OBI1: variants seen among roughly 807,000 people sequenced by gnomAD.
OBI1 encodes ORC ubiquitin ligase 1.
In OBI1, 59 loss-of-function variants were observed where a neutral mutation model predicts 62.4. That is an observed-to-expected ratio of 0.95 (90% CI 0.77 to 1.17). OBI1 has a LOEUF of 1.17. OBI1 is among the 50% of genes most tolerant of loss of function. OBI1 has a pLI of 0.00. For synonymous variants in OBI1, 302 were observed against 292.8 expected (o/e 1.03, Z -0.32); for missense variants, 875 against 830.9 (o/e 1.05, Z -0.65).
chr13:78,617,788 C>T (rs1398962356), intron 5 of OBI1, among the ~76,000 whole-genome samples: 4 of 151,808 alleles, frequency 2.6e-5, no homozygotes. Context: ...TCATTTCTTT[C>T]AACTTTGAAA....
At chr13:78,620,550 C>T (rs750601729) in intron 5 of OBI1, 2 of 452,686 alleles carry the variant, frequency 4.4e-6, no homozygotes, top group African/African-American at 2.0e-5. Context: ...TGTATTCTGC[C>T]AGAATCTAAC....
chr13:78,638,773 G>A, intron 4 of OBI1, 50 bp downstream of exon 4: 3 of 1,502,522 alleles, frequency 2.0e-6, no homozygotes, highest in Non-Finnish European at 2.7e-6. Context: ...GCTTTTGAAG[G>A]TACTTATTTT....
intron 4 of OBI1, among the ~76,000 whole-genome samples, chr13:78,638,465 T>C (rs1375225521): frequency 6.6e-6 from 1 of 152,180 alleles, no homozygotes; most frequent in East Asian, 1.9e-4. Context: ...TGTTTGTTTT[T>C]AGGTACACAG....
intron 1 of OBI1, among the ~76,000 whole-genome samples, chr13:78,650,734 G>C (rs1299435640): frequency 6.9e-6 from 1 of 144,390 alleles, no homozygotes; most frequent in Non-Finnish European, 1.5e-5. Flanking sequence ...CTTCTACATA[G>C]CAATCCCTCA....
At chr13:78,628,662 T>G (rs563421428) in intron 5 of OBI1, among the ~76,000 whole-genome samples, 48 of 152,322 alleles carry the variant, frequency 3.2e-4, no homozygotes, top group African/African-American at 1.1e-3. Context: ...CTGAATAGTT[T>G]TAAGCAGGAG....
Position 78,614,535 on chromosome 13 carries a change from C to G in OBI1, c.*1045G>C, listed in dbSNP as rs753652132. 1 of 152,604 alleles carries G rather than the reference C, an allele frequency of 6.6e-6. No homozygotes were observed. The highest frequency in any genetic ancestry group is 2.4e-5 in the African/African-American group (1 of 41,440). 9.5% of individuals were successfully genotyped at this position (152,604 alleles called of 1,614,324 possible). Reference sequence around the variant, plus strand: ...ACACTCTTCACAGAAAAGTTTTGTCCTACATAAAAGATATTCTATCAGCCA... The same window carrying G: ...ACACTCTTCACAGAAAAGTTTTGTCGTACATAAAAGATATTCTATCAGCCA... On this transcript the variant is annotated 3_prime_UTR_variant, in exon 6 of 6. Transcript: ENST00000282003.
intron 3 of OBI1, among the ~76,000 whole-genome samples, chr13:78,641,455 C>T (rs982386685): frequency 2.6e-5 from 4 of 152,082 alleles, no homozygotes; most frequent in Non-Finnish European, 5.9e-5. Context: ...AAGAGGGGAT[C>T]GATATCTCCT....
chr13:78,622,657 A>C (rs1360784055), intron 5 of OBI1, among the ~76,000 whole-genome samples: 3 of 152,210 alleles, frequency 2.0e-5, no homozygotes, highest in African/African-American at 7.2e-5. Context: ...TTTCTTAATT[A>C]TATCTCCCAA....
At chr13:78,630,359 T>C (rs1566279075) in intron 5 of OBI1, among the ~76,000 whole-genome samples, 1 of 152,146 alleles carries the variant, frequency 6.6e-6, no homozygotes, top group Admixed American at 6.5e-5. Flanking sequence ...TCAACAATTA[T>C]CAAGATTTTT....
rs926373283 is a variant in OBI1, at chr13:78,615,078, G to A, written c.*502C>T. The A allele has an allele frequency of 2.0e-5, 3 of 152,124 alleles. No homozygotes were observed. Among genetic ancestry groups the A allele is most frequent in the East Asian group, 1.9e-4 (1 of 5,178 alleles). The allele number at this position is 152,124 out of a possible 1,614,324, so 9.4% of individuals were successfully genotyped here. On this transcript the variant is annotated 3_prime_UTR_variant, in exon 6 of 6. Coordinates refer to ENST00000282003, the MANE Select transcript of OBI1 (RefSeq NM_024546.4). ...GGCCATCACTAAACATAAATAAAAAGGGACAGGTAAAATAATTTCCACCCT... is the reference window on the plus strand; with the variant it reads ...GGCCATCACTAAACATAAATAAAAAAGGACAGGTAAAATAATTTCCACCCT...
At position 78,616,209 on chromosome 13, in the gene OBI1, C is replaced by T. The variant is rs1190793399; in HGVS notation, c.1552G>A (p.Glu518Lys). 5 of 1,614,082 alleles carry T rather than the reference C, an allele frequency of 3.1e-6. No homozygotes were observed. In the South Asian group the frequency reaches 5.5e-5, roughly 18 times the overall value. Residue 518 changes from glutamate to lysine, a missense_variant, in exon 6 of 6, where the codon GAA becomes AAA. Coordinates refer to ENST00000282003, the MANE Select transcript of OBI1 (RefSeq NM_024546.4). ...SKRLNSIRSF[E>K]MNRTRTSSEA... ...CTGGATGTTCTTGTCCGGTTCATTT[C>T]AAAAGAGCGAATAGAATTCAACCTT...
intron 4 of OBI1, among the ~76,000 whole-genome samples, chr13:78,636,973 A>G (rs184611490): frequency 1.1e-4 from 17 of 152,338 alleles, no homozygotes; most frequent in African/African-American, 3.8e-4. Context: ...CTCAACTATC[A>G]GAGATCTTTT....
rs763687402 is a variant in OBI1, at chr13:78,616,975, T to C, written c.786A>G (p.Glu262=). The part of the protein sequence containing the change: ...SQVAQLKNSS[E]EKEAMNSICQ... ...AAATGGAATTCATAGCTTCTTTCTC[T>C]TCACTTGAATTTTTTAGCTGTGCAA... is the stretch of plus-strand genomic sequence containing the variant. The change falls in exon 6 of 6, where the codon GAA becomes GAG. Residue 262 remains glutamate, a synonymous_variant. Coordinates refer to ENST00000282003, the MANE Select transcript of OBI1 (RefSeq NM_024546.4). 1 of 1,614,224 alleles carries C rather than the reference T, an allele frequency of 6.2e-7. No individual in the cohort carries two copies. Among genetic ancestry groups the C allele is most frequent in the Non-Finnish European group, 8.5e-7 (1 of 1,180,042 alleles).
rs1453510347 is a variant in OBI1 at position 78,614,753 on chromosome 13, G to GA, written c.*826dup. Reference sequence around the variant, plus strand: ...GTTACATCTGGAACAATGAAGCTATGATGTTTTAGGTTCCTCTAAACCCAA... The same window carrying GA: ...GTTACATCTGGAACAATGAAGCTATGAATGTTTTAGGTTCCTCTAAACCCAA... On this transcript the variant is annotated 3_prime_UTR_variant, in exon 6 of 6. Coordinates refer to ENST00000282003, the MANE Select transcript of OBI1 (RefSeq NM_024546.4). The GA allele has an allele frequency of 6.6e-6, 1 of 152,216 alleles. No individual in the cohort carries two copies. Among genetic ancestry groups the GA allele is most frequent in the African/African-American group, 2.4e-5 (1 of 41,448 alleles). 9.4% of individuals were successfully genotyped at this position (152,216 alleles called of 1,614,324 possible).
At position 78,643,343 on chromosome 13, in the gene OBI1, G is replaced by A. The variant is rs963028662; in HGVS notation, c.209-1130C>T. Among the ~76,000 whole-genome samples the A allele has an allele frequency of 4.6e-5, 7 of 152,078 alleles. 1 individual carries two copies. Among genetic ancestry groups the A allele is most frequent in the Middle Eastern group, 6.3e-3 (2 of 316 alleles). On this transcript the variant is annotated intron_variant, in intron 2 of 5. Transcript: ENST00000282003. Reference sequence around the variant, plus strand: ...AAAAAAACAGATAGAGGTTAACCCCGTAGCATGCAACACAGCAGAGAACCA... The same window carrying A: ...AAAAAAACAGATAGAGGTTAACCCCATAGCATGCAACACAGCAGAGAACCA...
chr13:78,641,364 T>C (rs1051969091), intron 3 of OBI1, among the ~76,000 whole-genome samples: 2 of 152,218 alleles, frequency 1.3e-5, no homozygotes, highest in Admixed American at 1.3e-4. Context: ...CATGTATTTA[T>C]ACCCCACTGC....
chr13:78,636,829 T>C (rs1167209119), intron 4 of OBI1, among the ~76,000 whole-genome samples: 2 of 152,224 alleles, frequency 1.3e-5, no homozygotes, highest in African/African-American at 2.4e-5. Flanking sequence ...TTGATGATGA[T>C]GACAAGCTTA....
intron 5 of OBI1, among the ~76,000 whole-genome samples, chr13:78,626,155 T>A (rs1305609796): frequency 6.6e-6 from 1 of 152,190 alleles, no homozygotes; most frequent in Non-Finnish European, 1.5e-5. Context: ...TGTTTCTCTT[T>A]CTAACTCTGA....
rs1465536582 is a variant in OBI1 at position 78,638,893 on chromosome 13, C to T, written c.479G>A (p.Trp160Ter). Reference sequence around the variant, plus strand: ...ATTAGCTGTTCTGAGTTTTTTCTTCCACTCTGCTACAGTTTCTGGGTTAAT... The same window carrying T: ...ATTAGCTGTTCTGAGTTTTTTCTTCTACTCTGCTACAGTTTCTGGGTTAAT... ...SKINPETVAE[W>*]KKKLRTANEI... The change falls in exon 4 of 6, where the codon TGG (tryptophan) becomes TAG (stop). Residue 160 changes from tryptophan to a stop codon, truncating the protein, a stop_gained. Coordinates refer to ENST00000282003, the MANE Select transcript of OBI1 (RefSeq NM_024546.4). LOFTEE classifies it high-confidence loss of function. 6.2e-7 allele frequency: 1 copy of T among 1,613,708 alleles called. No homozygotes were observed. Among genetic ancestry groups the T allele is most frequent in the Admixed American group, 1.7e-5 (1 of 60,004 alleles).
Sources: gnomAD v4.1 joint callset for allele counts (sites outside exome capture counted in the v4.1 genomes callset) on GRCh38, gnomAD v4.1.1 for gene constraint, MANE v1.5 for transcripts, NCBI Gene and HGNC (gene_info 2026-07-23, HGNC 2026-07-21) for gene names.